Variants in RIN2 observed in about 807,000 individuals in gnomAD.
The protein encoded by RIN2 is RAB5 interacting protein 2.
RIN2 carries 36 observed loss-of-function variants against 78.0 expected under a neutral mutation model. That is an observed-to-expected ratio of 0.46 (90% CI 0.35 to 0.61). The LOEUF (loss-of-function observed/expected upper bound fraction) is 0.61. Ranked by LOEUF, RIN2 falls within the 20% of genes least tolerant of loss-of-function variation. The pLI is 0.00. For synonymous variants in RIN2, 466 were observed against 466.8 expected (o/e 1.00, Z 0.02); for missense variants, 1,087 against 1,159.7 (o/e 0.94, Z 0.91).
At chr20:19,919,645 T>C (rs937614393) in intron 3 of RIN2, among the ~76,000 whole-genome samples, 3 of 150,114 alleles carry the variant, frequency 2.0e-5, no homozygotes, top group Non-Finnish European at 4.5e-5. Context: ...GTCTCTACTA[T>C]AAATACAAAA....
At chr20:19,864,922 C>T (rs2037454708) in intron 2 of RIN2, among the ~76,000 whole-genome samples, 1 of 152,164 alleles carries the variant, frequency 6.6e-6, no homozygotes, top group African/African-American at 2.4e-5. Context: ...CACCTTAACA[C>T]TTTCTATAGC....
intron 4 of RIN2, among the ~76,000 whole-genome samples, chr20:19,938,123 G>C (rs1461985095): frequency 6.6e-6 from 1 of 152,158 alleles, no homozygotes; most frequent in Non-Finnish European, 1.5e-5. Context: ...TGCCCCCAGT[G>C]CCCTGGCTGG....
chr20:19,885,257 A>C (rs2038144648), intron 2 of RIN2, among the ~76,000 whole-genome samples: 1 of 152,222 alleles, frequency 6.6e-6, no homozygotes. Context: ...CAAGAGGAGA[A>C]GAGATTGGGC....
At chr20:19,824,747 G>T (rs2036033356) in intron 2 of RIN2, among the ~76,000 whole-genome samples, 1 of 152,116 alleles carries the variant, frequency 6.6e-6, no homozygotes, top group Non-Finnish European at 1.5e-5. Flanking sequence ...GAAGGAAAAT[G>T]GTCTAGAAGA....
chr20:19,840,265 G>A (rs1425082418), intron 2 of RIN2, among the ~76,000 whole-genome samples: 4 of 152,136 alleles, frequency 2.6e-5, no homozygotes, highest in African/African-American at 4.8e-5. Flanking sequence ...GGGTCTCAGG[G>A]TTTCCTTCCC....
At chr20:19,798,670 T>C (rs2035145158) in intron 1 of RIN2, among the ~76,000 whole-genome samples, 1 of 151,966 alleles carries the variant, frequency 6.6e-6, no homozygotes, top group Non-Finnish European at 1.5e-5. Flanking sequence ...GTGCGTGTAA[T>C]AGGATATTGG....
At chr20:19,778,491 G>A (rs1268720622) in intron 1 of RIN2, among the ~76,000 whole-genome samples, 1 of 152,096 alleles carries the variant, frequency 6.6e-6, no homozygotes, top group Non-Finnish European at 1.5e-5. Context: ...TTTACAGATG[G>A]GCAAACAAAT....
intron 6 of RIN2, among the ~76,000 whole-genome samples, chr20:19,962,493 C>T (rs982481560): frequency 1.3e-5 from 2 of 152,034 alleles, no homozygotes; most frequent in East Asian, 3.9e-4. Context: ...TCCTTGTGGC[C>T]GAAGGTTTTT....
chr20:19,770,939 C>A (rs777949208), intron 1 of RIN2, among the ~76,000 whole-genome samples: 24 of 151,228 alleles, frequency 1.6e-4, no homozygotes, highest in Admixed American at 7.3e-4. Flanking sequence ...ACAGACCCGG[C>A]ATCAAGTGGG....
At position 19,855,050 on chromosome 20, in the gene RIN2, G is replaced by A. The variant is rs1487689881; in HGVS notation, c.-36-34516G>A. Among the ~76,000 whole-genome samples, 28 of 152,184 alleles carry A rather than the reference G, an allele frequency of 1.8e-4. No homozygotes were observed. The South Asian group carries it at 4.4e-3, about 24-fold the overall frequency. On this transcript the variant is annotated intron_variant, in intron 2 of 12. Coordinates refer to ENST00000255006, the MANE Select transcript of RIN2 (RefSeq NM_018993.4). ...AATAGCTCTTATTATTTTGAGATAC[G>A]TCCCATCAATACCTAATTTATTGAG... is the stretch of plus-strand genomic sequence containing the variant.
chr20:19,889,059 G>A lies in RIN2; in HGVS notation c.-36-507G>A, dbSNP rs190209023. The A allele has an allele frequency of 1.1e-4, 99 of 893,090 alleles. 1 individual carries two copies. In the East Asian group the frequency reaches 8.2e-3, roughly 74 times the overall value. The allele number at this position is 893,090 out of a possible 1,614,324, so 55.3% of individuals were successfully genotyped here. ...TATCCAAATATTTCTGATTTCTAAG[G>A]GAAAAATAGAGCAATTTCTTCCCAG... On this transcript the variant is annotated intron_variant, in intron 2 of 12. Transcript: ENST00000255006.
intron 11 of RIN2, among the ~76,000 whole-genome samples, chr20:19,995,270 A>AAAAC (rs1555811980): frequency 6.6e-6 from 1 of 151,372 alleles, no homozygotes; most frequent in African/African-American, 2.4e-5. Context: ...TTAAAAAAAA[A>AAAAC]AAAAAAAACA....
At chr20:19,973,572 T>A (rs1000695950) in intron 8 of RIN2, among the ~76,000 whole-genome samples, 1 of 152,172 alleles carries the variant, frequency 6.6e-6, no homozygotes, top group Admixed American at 6.5e-5. Flanking sequence ...GTGGATCACC[T>A]GAGTTCAGGA....
At chr20:19,953,136 GA>G (rs2146217454) in intron 4 of RIN2, among the ~76,000 whole-genome samples, 1 of 147,110 alleles carries the variant, frequency 6.8e-6, no homozygotes, top group Non-Finnish European at 1.5e-5. Flanking sequence ...ATCCCCTGGG[GA>G]ATTTTTTTTT....
intron 4 of RIN2, among the ~76,000 whole-genome samples, chr20:19,949,023 T>C (rs1026777572): frequency 2.7e-5 from 4 of 150,744 alleles, no homozygotes; most frequent in African/African-American, 9.8e-5. Flanking sequence ...CTCACGCCTG[T>C]AATCCCAGCA....
At chr20:19,890,662 G>T (rs2038406193) in intron 3 of RIN2, among the ~76,000 whole-genome samples, 1 of 104,690 alleles carries the variant, frequency 9.6e-6, no homozygotes, top group Non-Finnish European at 1.7e-5. Flanking sequence ...GATATATTGT[G>T]TCAACTGTTG....
chr20:19,897,434 A>G (rs913575685), intron 3 of RIN2, among the ~76,000 whole-genome samples: 1 of 152,142 alleles, frequency 6.6e-6, no homozygotes, highest in African/African-American at 2.4e-5. Flanking sequence ...TTAAGTGCTC[A>G]GTATCCACAC....
intron 3 of RIN2, among the ~76,000 whole-genome samples, chr20:19,897,862 C>T (rs528396470): frequency 2.4e-4 from 36 of 152,230 alleles, no homozygotes; most frequent in Admixed American, 7.8e-4. Flanking sequence ...CAGATGCATG[C>T]CACCATGCCT....
chr20:19,796,090 A>G (rs917249334), intron 1 of RIN2, among the ~76,000 whole-genome samples: 4 of 111,978 alleles, frequency 3.6e-5, no homozygotes, highest in African/African-American at 3.4e-4. Context: ...AGCAAAGAAA[A>G]AAAAGAAAAG....
Sources: gnomAD v4.1 joint callset for allele counts (sites outside exome capture counted in the v4.1 genomes callset) on GRCh38, gnomAD v4.1.1 for gene constraint, MANE v1.5 for transcripts, NCBI Gene and HGNC (gene_info 2026-07-23, HGNC 2026-07-21) for gene names.